GRIP1: variants seen among roughly 807,000 people sequenced by gnomAD.
The protein encoded by GRIP1 is glutamate receptor-interacting protein 1.
GRIP1 carries 45 observed loss-of-function variants against 129.9 expected under a neutral mutation model. The observed-to-expected ratio is 0.35, with a 90% CI of 0.27 to 0.44. The LOEUF (loss-of-function observed/expected upper bound fraction) is 0.44, where lower values mean the gene tolerates loss of function less well. Ranked by LOEUF, GRIP1 falls within the 20% of genes least tolerant of loss-of-function variation. GRIP1 has a pLI of 1.00. For missense variants in GRIP1, 1,196 were observed against 1,396.8 expected, an observed-to-expected ratio of 0.86 and a Z score of 2.29; for synonymous variants, 530 against 520.8, an observed-to-expected ratio of 1.02 and a Z score of -0.24.
chr12:66,739,753 A>C (rs565537103), intron 1 of GRIP1, among the ~76,000 whole-genome samples: 3 of 151,958 alleles, frequency 2.0e-5, no homozygotes, highest in African/African-American at 7.3e-5. Context: ...TAAAATAAAA[A>C]AAAAAAAACC....
At chr12:66,529,955 C>T in intron 4 of GRIP1, 41 bp from the exon 5 acceptor site, 3 of 1,177,542 alleles carry the variant, frequency 2.5e-6, no homozygotes, top group South Asian at 1.2e-5. Context: ...ACTTGTAAGT[C>T]ATCATAACAT....
rs1180083993 is a variant in GRIP1, at chr12:67,030,043, A to C, written c.58+39007T>G. On this transcript the variant is annotated intron_variant, in intron 1 of 1. Coordinates refer to the GRIP1 transcript ENST00000643019. ...ATGAAACCCCGTCTCTACTAAAAAT[A>C]CAAAAAAAAAAAAAAAAATTAGCCA... 7.9e-5 allele frequency among the ~76,000 whole-genome samples: 3 copies of C among 38,156 alleles called. No individual in the cohort carries two copies. The East Asian group carries it at 1.6e-3, about 20-fold the overall frequency. 25.0% of individuals were successfully genotyped at this position (38,156 alleles called of 152,430 possible).
chr12:66,469,666 T>A (rs565622946), intron 7 of GRIP1, among the ~76,000 whole-genome samples: 1 of 152,256 alleles, frequency 6.6e-6, no homozygotes, highest in Non-Finnish European at 1.5e-5. Context: ...GAAAAGAGGA[T>A]GTTTATCTCA....
intron 23 of GRIP1, among the ~76,000 whole-genome samples, chr12:66,366,655 A>T (rs957631530): frequency 1.3e-5 from 2 of 152,204 alleles, no homozygotes; most frequent in African/African-American, 2.4e-5. Flanking sequence ...ATGACAAAGC[A>T]AAAGGAAATG....
At position 66,477,894 on chromosome 12, in the gene GRIP1, C is replaced by T. The variant is rs987370310; in HGVS notation, c.725-12472G>A. Among the ~76,000 whole-genome samples, 4 of 152,290 alleles carry T rather than the reference C, an allele frequency of 2.6e-5. No homozygotes were observed. In the East Asian group the frequency reaches 5.8e-4, roughly 22 times the overall value. On this transcript the variant is annotated intron_variant, in intron 7 of 24. Coordinates refer to ENST00000359742, the MANE Select transcript of GRIP1 (RefSeq NM_001366722.1). ...AAATTAATTCAAGATGGATTAAAGACTTAAATGTTAGACCTAAAACCATAA... is the reference window on the plus strand; with the variant it reads ...AAATTAATTCAAGATGGATTAAAGATTTAAATGTTAGACCTAAAACCATAA...
chr12:66,615,719 A>G (rs1223461084), intron 1 of GRIP1, among the ~76,000 whole-genome samples: 2 of 152,136 alleles, frequency 1.3e-5, no homozygotes, highest in African/African-American at 2.4e-5. Context: ...ATCTCAGTTC[A>G]TTGCAACTTT....
At chr12:66,776,457 C>A (rs1352070216) in intron 1 of GRIP1, among the ~76,000 whole-genome samples, 5 of 152,120 alleles carry the variant, frequency 3.3e-5, no homozygotes, top group African/African-American at 1.2e-4. Context: ...ATAACAATAA[C>A]TTTAATTAGT....
intron 14 of GRIP1, among the ~76,000 whole-genome samples, chr12:66,427,916 CAAACCA>C (rs560457333): frequency 7.0e-4 from 106 of 152,280 alleles, no homozygotes; most frequent in Admixed American, 2.1e-3. Context: ...CTTTTGGGGC[CAAACCA>C]ATGTAAAGTC....
intron 1 of GRIP1, among the ~76,000 whole-genome samples, chr12:66,827,387 T>TGTGTGTGTGAGAGAGAGAGA (rs755458052): frequency 6.3e-4 from 68 of 108,288 alleles, no homozygotes; most frequent in Middle Eastern, 5.0e-3. Context: ...TGTGTGTGTG[T>TGTGTGTGTGAGAGAGAGAGA]GAGAGAGAGA....
Position 66,606,992 on chromosome 12 carries a change from G to GGAGA in GRIP1, c.56-10069_56-10066dup, listed in dbSNP as rs80101645. Among the ~76,000 whole-genome samples, 603 of 149,150 alleles carry GGAGA rather than the reference G, an allele frequency of 4.0e-3. 2 individuals carry two copies. Among genetic ancestry groups the GGAGA allele is most frequent in the Non-Finnish European group, 6.1e-3 (412 of 67,284 alleles). On this transcript the variant is annotated intron_variant, in intron 1 of 24. Coordinates refer to ENST00000359742, the MANE Select transcript of GRIP1 (RefSeq NM_001366722.1). Reference sequence around the variant, plus strand: ...CAAAATTTGATTCACATCCTTACTTGGAGAGAGAGAGAGAGAGAGAGAAAG... The same window carrying GGAGA: ...CAAAATTTGATTCACATCCTTACTTGGAGAGAGAGAGAGAGAGAGAGAGAGAAAG...
chr12:66,953,421 CT>C (rs1477848500), intron 1 of GRIP1, among the ~76,000 whole-genome samples: 2 of 152,144 alleles, frequency 1.3e-5, no homozygotes, highest in Non-Finnish European at 2.9e-5. Context: ...TCACTTGATC[CT>C]GGCAGCAACC....
chr12:66,511,491 T>A (rs947033293), intron 7 of GRIP1, among the ~76,000 whole-genome samples: 15 of 152,192 alleles, frequency 9.9e-5, no homozygotes, highest in Non-Finnish European at 2.2e-4. Flanking sequence ...CATCATCTAC[T>A]TTGGGAAATT....
intron 1 of GRIP1, among the ~76,000 whole-genome samples, chr12:66,995,016 TTA>T (rs2042446517): frequency 6.6e-6 from 1 of 152,068 alleles, no homozygotes; most frequent in Non-Finnish European, 1.5e-5. Flanking sequence ...TGGAGTAGAA[TTA>T]TGAGTCCAGA....
intron 15 of GRIP1, among the ~76,000 whole-genome samples, chr12:66,415,697 A>G (rs2057574302): frequency 1.3e-5 from 2 of 152,184 alleles, no homozygotes; most frequent in African/African-American, 4.8e-5. Flanking sequence ...TAGACTGGAT[A>G]AAGAAAATGT....
At chr12:66,525,432 C>T (rs1382451781) in intron 5 of GRIP1, among the ~76,000 whole-genome samples, 1 of 152,102 alleles carries the variant, frequency 6.6e-6, no homozygotes, top group Non-Finnish European at 1.5e-5. Flanking sequence ...ACAAAAACCA[C>T]ATGATTATCT....
At chr12:66,374,654 T>C (rs1055641794) in intron 22 of GRIP1, among the ~76,000 whole-genome samples, 4 of 152,256 alleles carry the variant, frequency 2.6e-5, no homozygotes, top group African/African-American at 9.6e-5. Context: ...ATGTTGGAAG[T>C]AAAACAATCA....
intron 5 of GRIP1, among the ~76,000 whole-genome samples, chr12:66,523,091 T>A (rs1185180013): frequency 6.6e-6 from 1 of 151,730 alleles, no homozygotes; most frequent in Admixed American, 6.6e-5. Context: ...TGGAATCAAG[T>A]GGGAAAACAC....
At chr12:66,728,258 T>G (rs982622162) in intron 1 of GRIP1, among the ~76,000 whole-genome samples, 1 of 152,228 alleles carries the variant, frequency 6.6e-6, no homozygotes, top group Non-Finnish European at 1.5e-5. Context: ...AAATTAATGG[T>G]GGCTTAAACA....
chr12:66,546,530 T>C (rs986739271), intron 2 of GRIP1, among the ~76,000 whole-genome samples: 3 of 152,064 alleles, frequency 2.0e-5, no homozygotes, highest in East Asian at 3.9e-4. Flanking sequence ...GATGGAGGGA[T>C]AGACATATAG....
Sources: gnomAD v4.1 joint callset for allele counts (sites outside exome capture counted in the v4.1 genomes callset) on GRCh38, gnomAD v4.1.1 for gene constraint, MANE v1.5 for transcripts, NCBI Gene and HGNC (gene_info 2026-07-23, HGNC 2026-07-21) for gene names.